The following AFF3 variants were observed in gnomAD, a reference collection of about 807,000 sequenced individuals.
AFF3 encodes the protein ALF transcription elongation factor 3.
Under a neutral mutation model 129.7 loss-of-function variants are expected in AFF3, and 32 were observed. That is an observed-to-expected ratio of 0.25 (90% confidence interval 0.19 to 0.33). The LOEUF is 0.33. AFF3 is among the 10% of genes least tolerant of loss of function. The probability of loss-of-function intolerance (pLI) is 1.00; values close to 1 mark genes in which losing one functional copy is unlikely to be tolerated. For synonymous variants in AFF3, 644 were observed against 635.4 expected (o/e 1.01, Z -0.20); for missense variants, 1,373 against 1,592.0 (o/e 0.86, Z 2.34).
chr2:99,954,777 AG>A (rs1314045421), intron 7 of AFF3, among the ~76,000 whole-genome samples: 1 of 65,640 alleles, frequency 1.5e-5, no homozygotes, highest in Non-Finnish European at 2.7e-5. Flanking sequence ...GGGTGGGGGG[AG>A]GGGGGAGGGA....
At chr2:99,775,283 T>C (rs989342344) in intron 8 of AFF3, among the ~76,000 whole-genome samples, 2 of 152,002 alleles carry the variant, frequency 1.3e-5, no homozygotes, top group Admixed American at 6.6e-5. Flanking sequence ...CTATTAGCAA[T>C]AGAAAAGACA....
chr2:100,124,922 C>T (rs1302414095), intron 2 of AFF3, among the ~76,000 whole-genome samples: 1 of 152,126 alleles, frequency 6.6e-6, no homozygotes, highest in Non-Finnish European at 1.5e-5. Flanking sequence ...CCTTGATCAG[C>T]CCAGGGGTCA....
chr2:99,866,235 CT>C, intron 7 of AFF3, among the ~76,000 whole-genome samples: 1 of 152,314 alleles, frequency 6.6e-6, no homozygotes, highest in Non-Finnish European at 1.5e-5. Flanking sequence ...AAGAGAGATG[CT>C]AACCAACTCC....
chr2:99,841,578 G>A (rs1689321631), intron 7 of AFF3, among the ~76,000 whole-genome samples: 1 of 152,202 alleles, frequency 6.6e-6, no homozygotes, highest in African/African-American at 2.4e-5. Flanking sequence ...GGGGACTCAA[G>A]AAGAGTACCA....
At chr2:99,601,719 G>A in intron 13 of AFF3, 98 bp from the exon 14 acceptor site, 1 of 1,381,646 alleles carries the variant, frequency 7.2e-7, no homozygotes, top group Non-Finnish European at 9.7e-7. Context: ...AAAGAGGGAG[G>A]AGGCACGCAG....
intron 13 of AFF3, among the ~76,000 whole-genome samples, chr2:99,628,399 T>G (rs1009899634): frequency 6.6e-6 from 1 of 152,108 alleles, no homozygotes; most frequent in Non-Finnish European, 1.5e-5. Flanking sequence ...GATTTTTGCA[T>G]GTTGATTTTA....
chr2:99,590,861 C>A (rs1041162854), intron 15 of AFF3, among the ~76,000 whole-genome samples: 9 of 151,884 alleles, frequency 5.9e-5, no homozygotes, highest in African/African-American at 2.2e-4. Context: ...GGCATGGTGG[C>A]ACATGCCTGT....
At chr2:99,581,117 C>A (rs570006521) in intron 17 of AFF3, among the ~76,000 whole-genome samples, 1 of 152,244 alleles carries the variant, frequency 6.6e-6, no homozygotes, top group Non-Finnish European at 1.5e-5. Flanking sequence ...ATTGTTATTG[C>A]ATCTCTGGTG....
At chr2:99,633,582 G>A (rs1486448750) in intron 13 of AFF3, among the ~76,000 whole-genome samples, 4 of 152,100 alleles carry the variant, frequency 2.6e-5, no homozygotes, top group African/African-American at 7.2e-5. Flanking sequence ...TGTGGTTTTG[G>A]GCCTGGTGGG....
chr2:99,651,742 T>C (rs1685279079), intron 12 of AFF3, among the ~76,000 whole-genome samples: 1 of 152,008 alleles, frequency 6.6e-6, no homozygotes, highest in Non-Finnish European at 1.5e-5. Flanking sequence ...ACGCCTGGCC[T>C]ATGTTTACTG....
chr2:99,676,503 T>C (rs1030673816), intron 11 of AFF3, among the ~76,000 whole-genome samples: 2 of 152,134 alleles, frequency 1.3e-5, no homozygotes, highest in Non-Finnish European at 2.9e-5. Context: ...CTGGAGAACT[T>C]ACTCCACAAT....
intron 8 of AFF3, among the ~76,000 whole-genome samples, chr2:99,771,563 A>G (rs1032152435): frequency 1.3e-5 from 2 of 152,228 alleles, no homozygotes; most frequent in Non-Finnish European, 2.9e-5. Flanking sequence ...CAAAGTTCCA[A>G]CAAAAGCATT....
chr2:99,725,408 C>G (rs1206125706), intron 11 of AFF3, among the ~76,000 whole-genome samples: 1 of 152,188 alleles, frequency 6.6e-6, no homozygotes, highest in Non-Finnish European at 1.5e-5. Context: ...GGCTGGAGCA[C>G]AGTGGCATGA....
intron 2 of AFF3, chr2:100,106,149 CCTTCTTCCCCCAGCT>C: frequency 1.1e-5 from 13 of 1,227,298 alleles, no homozygotes; most frequent in Non-Finnish European, 1.3e-5. Context: ...AGCCTGGCTC[CCTTCTTCCCCCAGCT>C]CTGAATCAAT....
chr2:100,106,178 T>C, intron 2 of AFF3: 4 of 1,198,332 alleles, frequency 3.3e-6, no homozygotes, highest in Non-Finnish European at 3.2e-6. Flanking sequence ...AATCAATCCT[T>C]TCTTCATTAG....
chr2:100,044,692 C>T (rs1685694800), intron 4 of AFF3, among the ~76,000 whole-genome samples: 1 of 152,054 alleles, frequency 6.6e-6, no homozygotes, highest in Non-Finnish European at 1.5e-5. Context: ...AAACACTAAA[C>T]ATATCAAAGG....
At chr2:100,137,320 A>G (rs1434128415) in intron 1 of AFF3, among the ~76,000 whole-genome samples, 2 of 152,210 alleles carry the variant, frequency 1.3e-5, no homozygotes, top group African/African-American at 4.8e-5. Flanking sequence ...GATATTCCCA[A>G]TTTCAAAGAT....
chr2:99,717,123 G>A (rs1047239057), intron 11 of AFF3, among the ~76,000 whole-genome samples: 1 of 152,146 alleles, frequency 6.6e-6, no homozygotes, highest in African/African-American at 2.4e-5. Flanking sequence ...TACCACAACT[G>A]TTTATTCACG....
chr2:99,649,606 A>C lies in AFF3; in HGVS notation c.1184+20T>G, dbSNP rs202139996. 1.4e-3 allele frequency: 2,200 copies of C among 1,612,588 alleles called. 1 individual carries two copies. Among genetic ancestry groups the C allele is most frequent in the South Asian group, 1.8e-3 (166 of 90,464 alleles). On this transcript the variant is annotated intron_variant, in intron 13 of 24. Transcript: ENST00000672756. ...TGTTTCATAAAGCAATTTATAGTTC[A>C]TAAAAATGACAAAATGTACCTGTCA...
Sources: gnomAD v4.1 joint callset for allele counts (sites outside exome capture counted in the v4.1 genomes callset) on GRCh38, gnomAD v4.1.1 for gene constraint, MANE v1.5 for transcripts, NCBI Gene and HGNC (gene_info 2026-07-23, HGNC 2026-07-21) for gene names.